CSMD3: variants seen among roughly 807,000 people sequenced by gnomAD.
CSMD3 encodes the protein CUB and Sushi multiple domains 3.
In CSMD3, 177 loss-of-function variants were observed where a neutral mutation model predicts 435.2. The ratio of observed to expected loss-of-function variants is 0.41; its 90% CI spans 0.36 to 0.46. The LOEUF is 0.46. Ranked by LOEUF, CSMD3 falls within the 20% of genes least tolerant of loss-of-function variation. The pLI, the probability that CSMD3 is intolerant of heterozygous loss-of-function variation, is 0.34. For synonymous variants in CSMD3, 1,656 were observed against 1,520.5 expected (o/e 1.09, Z -2.07); for missense variants, 4,265 against 4,504.6 (o/e 0.95, Z 1.52).
chr8:112,976,227 A>G lies in CSMD3; in HGVS notation c.1031-79T>C, dbSNP rs980121463. 9 of 1,485,116 alleles carry G rather than the reference A, an allele frequency of 6.1e-6. No individual in the cohort carries two copies. The African/African-American group carries it at 8.4e-5, about 14-fold the overall frequency. 92.0% of individuals were successfully genotyped at this position (1,485,116 alleles called of 1,614,324 possible). On this transcript the variant is annotated intron_variant, in intron 6 of 70. Coordinates refer to ENST00000297405, the MANE Select transcript of CSMD3 (RefSeq NM_198123.2). ...TTTTTTCTGATAAATTTAATCAATC[A>G]TATTCTCTTCTATTACCTTAAGGAT...
intron 38 of CSMD3, among the ~76,000 whole-genome samples, chr8:112,370,730 ATT>A (rs5894081): frequency 6.6e-6 from 1 of 151,614 alleles, no homozygotes; most frequent in Non-Finnish European, 1.5e-5. Flanking sequence ...CTCTCCATCT[ATT>A]TTTTTCTATG....
chr8:112,743,478 A>T (rs1366517105), intron 13 of CSMD3, among the ~76,000 whole-genome samples: 1 of 151,910 alleles, frequency 6.6e-6, no homozygotes, highest in Non-Finnish European at 1.5e-5. Context: ...GGCAGTCTTC[A>T]ACAAGGAAAA....
chr8:112,485,940 C>CT (rs549602181), intron 31 of CSMD3, among the ~76,000 whole-genome samples: 47,233 of 138,980 alleles, frequency 0.34, 7,704 homozygotes, highest in East Asian at 0.42. Context: ...TGACTTAAAT[C>CT]TTTTTTTTTT....
intron 22 of CSMD3, among the ~76,000 whole-genome samples, chr8:112,609,245 A>AAAAAAAAAAT (rs1833058360): frequency 6.7e-6 from 1 of 149,636 alleles, no homozygotes; most frequent in Non-Finnish European, 1.5e-5. Flanking sequence ...ATAGAAGAAA[A>AAAAAAAAAAT]TATTTGCAAA....
chr8:112,568,561 G>GA (rs558484645), intron 24 of CSMD3, among the ~76,000 whole-genome samples: 1,537 of 129,424 alleles, frequency 0.012, 27 homozygotes, highest in African/African-American at 0.035. Context: ...GCAAGGCACT[G>GA]AAAAAAAAAA....
At chr8:112,686,864 G>A (rs2076024976) in intron 14 of CSMD3, among the ~76,000 whole-genome samples, 1 of 151,918 alleles carries the variant, frequency 6.6e-6, no homozygotes, top group Admixed American at 6.6e-5. Flanking sequence ...TAATATGTGA[G>A]TTTTTCAAGT....
chr8:112,874,100 T>C (rs2081211440), intron 10 of CSMD3, among the ~76,000 whole-genome samples: 1 of 152,156 alleles, frequency 6.6e-6, no homozygotes, highest in Admixed American at 6.6e-5. Context: ...GAGATTCTGG[T>C]ATGTTGTGTC....
chr8:112,753,844 CTTTG>C (rs1181873756), intron 13 of CSMD3, among the ~76,000 whole-genome samples: 5 of 152,300 alleles, frequency 3.3e-5, no homozygotes, highest in South Asian at 2.1e-4. Flanking sequence ...CCTATCCCAA[CTTTG>C]TTTGTGCTAA....
At chr8:112,427,806 A>T (rs1813236562) in intron 32 of CSMD3, among the ~76,000 whole-genome samples, 1 of 152,118 alleles carries the variant, frequency 6.6e-6, no homozygotes, top group Non-Finnish European at 1.5e-5. Context: ...CTTGATTCTC[A>T]TCTACCACAT....
intron 13 of CSMD3, among the ~76,000 whole-genome samples, chr8:112,703,971 A>G (rs4582593): frequency 0.33 from 50,438 of 151,764 alleles, 9,217 homozygotes; most frequent in African/African-American, 0.5. Context: ...CCTCAGATTG[A>G]GTACAACAAT....
At chr8:112,807,186 T>G (rs1466824073) in intron 12 of CSMD3, among the ~76,000 whole-genome samples, 4 of 152,156 alleles carry the variant, frequency 2.6e-5, no homozygotes, top group South Asian at 2.1e-4. Flanking sequence ...GGAGGACCCT[T>G]GTGACTCTGC....
Position 112,826,083 on chromosome 8 carries a change from G to A in CSMD3, c.1859+3603C>T, listed in dbSNP as rs1462288483. ...AGGCCCAACCCAGTGGGGAGGGATG[G>A]GTCAGGTTCAGGTCTGAAGAGGCAC... On this transcript the variant is annotated intron_variant, in intron 12 of 70. Transcript: ENST00000297405. 2.0e-5 allele frequency among the ~76,000 whole-genome samples: 3 copies of A among 152,282 alleles called. No homozygotes were observed. The East Asian group carries it at 5.8e-4, about 30-fold the overall frequency.
chr8:112,818,677 C>T (rs1054056152), intron 12 of CSMD3, among the ~76,000 whole-genome samples: 2 of 152,104 alleles, frequency 1.3e-5, no homozygotes, highest in African/African-American at 2.4e-5. Flanking sequence ...TCTGATTCTT[C>T]CCCTGTAGAA....
chr8:112,546,603 A>G (rs1288869859), intron 27 of CSMD3, among the ~76,000 whole-genome samples: 2 of 152,192 alleles, frequency 1.3e-5, no homozygotes, highest in South Asian at 4.1e-4. Context: ...AGAATCTACT[A>G]TTCTGTGGGC....
intron 1 of CSMD3, among the ~76,000 whole-genome samples, chr8:113,340,551 A>T (rs2132840856): frequency 6.6e-6 from 1 of 152,234 alleles, no homozygotes; most frequent in African/African-American, 2.4e-5. Flanking sequence ...GAAAAATCAC[A>T]ATTTTCTATC....
At chr8:113,044,244 T>A (rs970281953) in intron 5 of CSMD3, among the ~76,000 whole-genome samples, 1 of 152,048 alleles carries the variant, frequency 6.6e-6, no homozygotes, top group Non-Finnish European at 1.5e-5. Flanking sequence ...GAACAGAACA[T>A]CCTATTAAGA....
intron 38 of CSMD3, among the ~76,000 whole-genome samples, chr8:112,374,801 A>G (rs1185086330): frequency 6.6e-6 from 1 of 152,204 alleles, no homozygotes; most frequent in African/African-American, 2.4e-5. Flanking sequence ...TGAAAAATAC[A>G]GTTAACACAT....
intron 22 of CSMD3, among the ~76,000 whole-genome samples, chr8:112,629,530 A>C (rs888154292): frequency 2.6e-5 from 4 of 152,212 alleles, no homozygotes; most frequent in Non-Finnish European, 5.9e-5. Flanking sequence ...CCTTAAAATC[A>C]TAAAGTATAG....
intron 3 of CSMD3, among the ~76,000 whole-genome samples, chr8:113,221,354 T>TACACACACACACACACACAC (rs147263614): frequency 7.8e-4 from 111 of 141,910 alleles, no homozygotes; most frequent in African/African-American, 2.6e-3. Flanking sequence ...CAGACACAGT[T>TACACACACACACACACACAC]ACACACACAC....
Sources: gnomAD v4.1 joint callset for allele counts (sites outside exome capture counted in the v4.1 genomes callset) on GRCh38, gnomAD v4.1.1 for gene constraint, MANE v1.5 for transcripts, NCBI Gene and HGNC (gene_info 2026-07-23, HGNC 2026-07-21) for gene names.